The following TRABD2B variants were observed in gnomAD, a reference collection of about 807,000 sequenced individuals.
TRABD2B encodes the protein metalloprotease TIKI2.
In TRABD2B, 14 loss-of-function variants were observed where a neutral mutation model predicts 40.1. The observed-to-expected ratio is 0.35, with a 90% CI of 0.23 to 0.55. The LOEUF (loss-of-function observed/expected upper bound fraction) is 0.55. Among genes scored for constraint, TRABD2B ranks in the 20% least tolerant of loss-of-function variants. The pLI, the probability that TRABD2B is intolerant of heterozygous loss-of-function variation, is 0.90. For missense variants in TRABD2B, 541 were observed against 648.6 expected, an observed-to-expected ratio of 0.83 and a Z score of 1.80; for synonymous variants, 263 against 277.0, an observed-to-expected ratio of 0.95 and a Z score of 0.50.
chr1:47,901,023 C>T (rs1237732592), intron 2 of TRABD2B, among the ~76,000 whole-genome samples: 2 of 152,146 alleles, frequency 1.3e-5, no homozygotes, highest in African/African-American at 2.4e-5. Flanking sequence ...CCGTCTGTCC[C>T]ATAACATTTA....
intron 2 of TRABD2B, among the ~76,000 whole-genome samples, chr1:47,834,577 GCGCACACACA>G (rs1645293997): frequency 7.0e-6 from 1 of 142,480 alleles, no homozygotes; most frequent in African/African-American, 2.5e-5. Context: ...ACACACACAC[GCGCACACACA>G]CACACACACA....
intron 6 of TRABD2B, among the ~76,000 whole-genome samples, chr1:47,770,203 T>A (rs747427376): frequency 3.3e-5 from 5 of 152,010 alleles, no homozygotes; most frequent in Non-Finnish European, 7.4e-5. Context: ...AGGGCCTGGG[T>A]CACAGGTGGC....
intron 4 of TRABD2B, among the ~76,000 whole-genome samples, chr1:47,789,602 C>T (rs1353013023): frequency 1.3e-5 from 2 of 152,094 alleles, no homozygotes; most frequent in Non-Finnish European, 2.9e-5. Flanking sequence ...AAGAATCCTC[C>T]CTTCTCTCTC....
chr1:47,866,541 C>A (rs1482574297), intron 2 of TRABD2B, among the ~76,000 whole-genome samples: 1 of 152,264 alleles, frequency 6.6e-6, no homozygotes, highest in South Asian at 2.1e-4. Flanking sequence ...GCTTCTGAAC[C>A]ACTGAGTGCC....
At chr1:47,934,082 GCTTTTGACACT>G (rs1341021647) in intron 2 of TRABD2B, among the ~76,000 whole-genome samples, 1 of 152,202 alleles carries the variant, frequency 6.6e-6, no homozygotes, top group African/African-American at 2.4e-5. Context: ...TATGTGCTAG[GCTTTTGACACT>G]CTTTAGTATG....
intron 4 of TRABD2B, among the ~76,000 whole-genome samples, chr1:47,792,288 C>CA (rs1219305374): frequency 1.3e-5 from 2 of 152,246 alleles, no homozygotes; most frequent in African/African-American, 4.8e-5. Flanking sequence ...TTCATTCTTT[C>CA]ATTCACTCAG....
intron 2 of TRABD2B, among the ~76,000 whole-genome samples, chr1:47,925,844 G>C (rs1476796001): frequency 6.6e-6 from 1 of 152,228 alleles, no homozygotes; most frequent in Non-Finnish European, 1.5e-5. Context: ...TGTCTGAAAA[G>C]TCTAAGCTGC....
chr1:47,782,668 C>G (rs1462027220), intron 4 of TRABD2B, among the ~76,000 whole-genome samples: 1 of 152,214 alleles, frequency 6.6e-6, no homozygotes, highest in East Asian at 1.9e-4. Flanking sequence ...TGGTGCTCCT[C>G]CAGATTCTAC....
intron 2 of TRABD2B, among the ~76,000 whole-genome samples, chr1:47,803,212 A>T (rs546672048): frequency 6.6e-6 from 1 of 152,374 alleles, no homozygotes; most frequent in South Asian, 2.1e-4. Flanking sequence ...CATGGGTGGC[A>T]GACTGATAGA....
intron 4 of TRABD2B, among the ~76,000 whole-genome samples, chr1:47,793,307 A>C (rs1010350761): frequency 1.4e-4 from 21 of 152,228 alleles, no homozygotes; most frequent in African/African-American, 4.8e-4. Flanking sequence ...CTTTCTGCCC[A>C]ACTGCTGTGC....
intron 2 of TRABD2B, among the ~76,000 whole-genome samples, chr1:47,845,417 C>A (rs1384961125): frequency 6.6e-6 from 1 of 152,132 alleles, no homozygotes; most frequent in Admixed American, 6.5e-5. Context: ...CCTTGACAGC[C>A]ATGATCTTTG....
chr1:47,934,034 A>G lies in TRABD2B; in HGVS notation c.666+60000T>C, dbSNP rs114665131. Reference sequence around the variant, plus strand: ...ACAGCACAAGTTGGAGGGTAGAAAGAAGGGGTTGGGGAAAAGCTGATGTTA... The same window carrying G: ...ACAGCACAAGTTGGAGGGTAGAAAGGAGGGGTTGGGGAAAAGCTGATGTTA... On this transcript the variant is annotated intron_variant, in intron 2 of 6. Transcript: ENST00000606738. Among the ~76,000 whole-genome samples the G allele has an allele frequency of 3.6e-3, 546 of 152,306 alleles. 6 individuals carry two copies. Among genetic ancestry groups the G allele is most frequent in the African/African-American group, 0.012 (503 of 41,562 alleles).
intron 2 of TRABD2B, among the ~76,000 whole-genome samples, chr1:47,973,992 T>C (rs1345686029): frequency 6.6e-6 from 1 of 152,000 alleles, no homozygotes; most frequent in Non-Finnish European, 1.5e-5. Context: ...CAGTCTCAAC[T>C]ATTGGGGAGG....
chr1:47,920,771 G>A (rs1026778010), intron 2 of TRABD2B, among the ~76,000 whole-genome samples: 10 of 152,182 alleles, frequency 6.6e-5, no homozygotes, highest in African/African-American at 2.2e-4. Context: ...ACAGGGTTGC[G>A]TGCTTAACAG....
chr1:47,840,442 T>C (rs1055767619), intron 2 of TRABD2B, among the ~76,000 whole-genome samples: 1 of 152,182 alleles, frequency 6.6e-6, no homozygotes, highest in African/African-American at 2.4e-5. Flanking sequence ...TGAGTCTTCC[T>C]CTAACATTCT....
intron 2 of TRABD2B, among the ~76,000 whole-genome samples, chr1:47,982,838 C>T (rs1369894153): frequency 2.0e-5 from 3 of 152,146 alleles, no homozygotes; most frequent in African/African-American, 7.2e-5. Context: ...AATCCTATCC[C>T]ACCTGCAAGG....
At chr1:47,970,878 G>A (rs768473313) in intron 2 of TRABD2B, among the ~76,000 whole-genome samples, 5 of 152,164 alleles carry the variant, frequency 3.3e-5, no homozygotes, top group Admixed American at 1.3e-4. Context: ...CTCTGGTGGC[G>A]CATGTCTGCT....
chr1:47,928,463 C>T (rs1021559008), intron 2 of TRABD2B, among the ~76,000 whole-genome samples: 9 of 152,202 alleles, frequency 5.9e-5, no homozygotes, highest in African/African-American at 2.2e-4. Flanking sequence ...ACAAGCTTTG[C>T]CTTCATCTGC....
rs190757730 is a variant in TRABD2B, at chr1:47,813,293, C to T, written c.667-11674G>A. ...CTCCAGCAGTATGGGGACCTCTGCT[C>T]TTCCTTAGTCCTGGGCAGTAGCCAA... On this transcript the variant is annotated intron_variant, in intron 2 of 6. Coordinates refer to ENST00000606738, the MANE Select transcript of TRABD2B (RefSeq NM_001194986.2). This position sits in a 1 kb window ranked among gnomAD's most constrained non-coding sequence, Gnocchi z 4.3. 3.3e-4 allele frequency among the ~76,000 whole-genome samples: 50 copies of T among 152,286 alleles called. No individual in the cohort carries two copies. The highest frequency in any genetic ancestry group is 2.7e-3 in the Admixed American group (42 of 15,302).
Sources: allele counts gnomAD v4.1 joint callset (sites outside exome capture counted in the v4.1 genomes callset), GRCh38; gene constraint gnomAD v4.1.1; non-coding constraint Gnocchi (gnomAD v3.1); transcripts MANE v1.5; gene names NCBI Gene and HGNC (gene_info 2026-07-23, HGNC 2026-07-21).